SRPK2: variants seen among roughly 807,000 people sequenced by gnomAD.
SRPK2 encodes the protein SFRS protein kinase 2.
In SRPK2, 21 loss-of-function variants were observed where a neutral mutation model predicts 90.8. The ratio of observed to expected loss-of-function variants is 0.23; its 90% CI spans 0.16 to 0.33. The LOEUF is 0.33. SRPK2 is among the 10% of genes least tolerant of loss of function. The probability of loss-of-function intolerance (pLI) is 1.00; values close to 1 mark genes in which losing one functional copy is unlikely to be tolerated. For synonymous variants in SRPK2, 288 were observed against 311.1 expected, an observed-to-expected ratio of 0.93 and a Z score of 0.78; for missense variants, 620 against 869.0, an observed-to-expected ratio of 0.71 and a Z score of 3.60.
intron 2 of SRPK2, among the ~76,000 whole-genome samples, chr7:105,323,965 CTTTGTGTGTGTGTGTG>C (rs1216518906): frequency 1.1e-4 from 12 of 110,470 alleles, no homozygotes; most frequent in African/African-American, 4.3e-4. Context: ...TCAGACTATT[CTTTGTGTGTGTGTGTG>C]TGTGTGTGTG....
At chr7:105,242,139 A>G (rs1045039308) in intron 2 of SRPK2, among the ~76,000 whole-genome samples, 5 of 152,228 alleles carry the variant, frequency 3.3e-5, no homozygotes, top group African/African-American at 1.2e-4. Context: ...TGAATATGAT[A>G]TCAAATGACC....
chr7:105,376,278 C>T (rs191766198), intron 2 of SRPK2, among the ~76,000 whole-genome samples: 130 of 151,660 alleles, frequency 8.6e-4, no homozygotes, highest in Non-Finnish European at 1.4e-3. Flanking sequence ...ATTACAGGCA[C>T]AAATCACCAC....
intron 2 of SRPK2, among the ~76,000 whole-genome samples, chr7:105,274,617 G>A (rs188997759): frequency 1.3e-5 from 2 of 148,548 alleles, no homozygotes; most frequent in Non-Finnish European, 3.0e-5. Flanking sequence ...AGCCATCTAT[G>A]TGCGTGGGGC....
At chr7:105,217,788 G>A (rs1371488150) in intron 2 of SRPK2, among the ~76,000 whole-genome samples, 1 of 152,178 alleles carries the variant, frequency 6.6e-6, no homozygotes, top group Middle Eastern at 3.2e-3. Flanking sequence ...CTAACAGATA[G>A]ATCAGATAGA....
intron 2 of SRPK2, among the ~76,000 whole-genome samples, chr7:105,384,547 T>C (rs6967529): frequency 6.6e-6 from 1 of 152,126 alleles, no homozygotes; most frequent in Non-Finnish European, 1.5e-5. Flanking sequence ...AGACCCACAG[T>C]CACATAATTC....
At chr7:105,171,928 C>T (rs554637421) in intron 3 of SRPK2, among the ~76,000 whole-genome samples, 7 of 152,204 alleles carry the variant, frequency 4.6e-5, no homozygotes, top group South Asian at 4.2e-4. Flanking sequence ...GACCGAGTTT[C>T]GCTGTTACCC....
At chr7:105,133,190 T>C in intron 11 of SRPK2, 86 bp from the exon 12 acceptor site, 4 of 1,242,236 alleles carry the variant, frequency 3.2e-6, no homozygotes, top group Non-Finnish European at 4.7e-6. Context: ...GTCAGTCTCC[T>C]TTCCTCAAGA....
chr7:105,366,401 ACC>A (rs1262830057), intron 2 of SRPK2, among the ~76,000 whole-genome samples: 3 of 123,064 alleles, frequency 2.4e-5, no homozygotes, highest in Non-Finnish European at 4.8e-5. Flanking sequence ...ACGGAGTGTC[ACC>A]CTGTCGCACA....
intron 2 of SRPK2, among the ~76,000 whole-genome samples, chr7:105,333,273 A>G (rs1478329376): frequency 6.6e-6 from 1 of 152,240 alleles, no homozygotes; most frequent in Non-Finnish European, 1.5e-5. Flanking sequence ...GAAATGTTAC[A>G]TTGGAAATTA....
intron 2 of SRPK2, among the ~76,000 whole-genome samples, chr7:105,293,760 G>C (rs1809402579): frequency 6.6e-6 from 1 of 152,156 alleles, no homozygotes; most frequent in African/African-American, 2.4e-5. Context: ...GTGAAACCCT[G>C]CAAGATAAGA....
intron 15 of SRPK2, among the ~76,000 whole-genome samples, chr7:105,125,598 G>C (rs1054542551): frequency 2.0e-5 from 3 of 152,182 alleles, no homozygotes; most frequent in African/African-American, 7.2e-5. Context: ...TAGGAAGGCT[G>C]TTCTCTTACA....
intron 2 of SRPK2, among the ~76,000 whole-genome samples, chr7:105,213,250 C>T (rs914706224): frequency 2.6e-5 from 4 of 152,152 alleles, no homozygotes; most frequent in South Asian, 4.1e-4. Flanking sequence ...AGAAAAGTAA[C>T]CGGCTCTAGC....
intron 2 of SRPK2, among the ~76,000 whole-genome samples, chr7:105,356,017 CA>C (rs1817743653): frequency 6.6e-6 from 1 of 152,128 alleles, no homozygotes; most frequent in Non-Finnish European, 1.5e-5. Context: ...CACCGCACTC[CA>C]GCCTGGATGA....
intron 2 of SRPK2, among the ~76,000 whole-genome samples, chr7:105,321,235 T>C (rs1004472158): frequency 6.6e-6 from 1 of 152,126 alleles, no homozygotes. Flanking sequence ...GAACAGACTA[T>C]TCAACAAATG....
At chr7:105,258,618 T>G (rs1167657402) in intron 2 of SRPK2, among the ~76,000 whole-genome samples, 1 of 152,102 alleles carries the variant, frequency 6.6e-6, no homozygotes, top group Non-Finnish European at 1.5e-5. Context: ...CGATGAACAC[T>G]GATGCGAAAA....
intron 2 of SRPK2, among the ~76,000 whole-genome samples, chr7:105,283,224 C>T (rs777127085): frequency 1.3e-5 from 2 of 152,180 alleles, no homozygotes; most frequent in African/African-American, 2.4e-5. Flanking sequence ...TTTGGAAACA[C>T]GCTGGCAATT....
intron 2 of SRPK2, among the ~76,000 whole-genome samples, chr7:105,299,391 C>A (rs1486609062): frequency 6.6e-6 from 1 of 152,176 alleles, no homozygotes; most frequent in South Asian, 2.1e-4. Flanking sequence ...TTTATCTTCT[C>A]ATTTTTTAAG....
intron 15 of SRPK2, 30 bp from the exon 16 acceptor site, chr7:105,118,052 G>C (rs372344230): frequency 6.2e-7 from 1 of 1,606,036 alleles, no homozygotes; most frequent in Non-Finnish European, 8.5e-7. Flanking sequence ...CCAATGTCAA[G>C]AAAGCTCCAA....
intron 2 of SRPK2, among the ~76,000 whole-genome samples, chr7:105,373,152 A>T (rs966048602): frequency 6.6e-6 from 1 of 152,140 alleles, no homozygotes; most frequent in African/African-American, 2.4e-5. Flanking sequence ...AACTCTCTCT[A>T]ATCCTTAGTT....
Sources: allele counts gnomAD v4.1 joint callset (sites outside exome capture counted in the v4.1 genomes callset), GRCh38; gene constraint gnomAD v4.1.1; transcripts MANE v1.5; gene names NCBI Gene and HGNC (gene_info 2026-07-23, HGNC 2026-07-21).